FBXO45: variants seen among roughly 807,000 people sequenced by gnomAD.
The protein encoded by FBXO45 is F-box protein 45, also known as F-box/SPRY domain-containing protein 1.
FBXO45 carries 3 observed loss-of-function variants against 25.5 expected under a neutral mutation model. That is an observed-to-expected ratio of 0.12 (90% CI 0.05 to 0.30). FBXO45 has a LOEUF of 0.30. FBXO45 is among the 10% of genes least tolerant of loss of function. FBXO45 has a pLI of 1.00. For missense variants in FBXO45, 219 were observed against 365.0 expected (o/e 0.60, Z 3.26); for synonymous variants, 155 against 149.8 (o/e 1.03, Z -0.25).
rs1485115413 is a variant in FBXO45, at chr3:196,587,003, T to A, written c.*2685T>A. 2 of 152,226 alleles carry A rather than the reference T, an allele frequency of 1.3e-5. No individual in the cohort carries two copies. Among genetic ancestry groups the A allele is most frequent in the Non-Finnish European group, 2.9e-5 (2 of 68,048 alleles). 9.4% of individuals were successfully genotyped at this position (152,226 alleles called of 1,614,324 possible). A position where few individuals can be genotyped will look rare whatever the true frequency, so the allele number is the denominator to read the frequency against. The stretch of plus-strand genomic sequence containing the variant: ...TGCTTGTGCCGTGGATGAAAAGTGC[T>A]ATTAAAAGTCAAAGGAGTGTTCTGT... On this transcript the variant is annotated 3_prime_UTR_variant, in exon 3 of 3. Transcript: ENST00000311630.
At chr3:196,575,316 T>C (rs1577596223) in intron 1 of FBXO45, among the ~76,000 whole-genome samples, 1 of 151,890 alleles carries the variant, frequency 6.6e-6, no homozygotes, top group African/African-American at 2.4e-5. Flanking sequence ...ATTAGCCGGG[T>C]GTGGTGGTGC....
chr3:196,572,256 AAC>A (rs1392892776), intron 1 of FBXO45, among the ~76,000 whole-genome samples: 5 of 152,256 alleles, frequency 3.3e-5, no homozygotes, highest in Admixed American at 6.5e-5. Flanking sequence ...AAATAAAACA[AAC>A]ACAGTCTCTT....
At position 196,585,602 on chromosome 3, in the gene FBXO45, T is replaced by G. The variant is rs1736091515; in HGVS notation, c.*1284T>G. 6.6e-6 allele frequency: 1 copy of G among 152,244 alleles called. No individual in the cohort carries two copies. The allele number at this position is 152,244 out of a possible 1,614,324, so 9.4% of individuals were successfully genotyped here. ...GGTTGGCAATATTTGAAGGTTTCGT[T>G]GTAGAAGAGTTTAACATTAACTCCT... On this transcript the variant is annotated 3_prime_UTR_variant, in exon 3 of 3. Transcript: ENST00000311630.
chr3:196,574,208 T>G (rs991485893), intron 1 of FBXO45, among the ~76,000 whole-genome samples: 2 of 152,114 alleles, frequency 1.3e-5, no homozygotes, highest in Non-Finnish European at 2.9e-5. Context: ...GCTGGGATTA[T>G]AGGTGTGAGC....
chr3:196,580,547 A>C (rs1338808368), intron 2 of FBXO45, among the ~76,000 whole-genome samples: 2 of 151,634 alleles, frequency 1.3e-5, no homozygotes, highest in African/African-American at 4.8e-5. Flanking sequence ...CTGGTCTCGA[A>C]CTCCCAACCT....
rs1324642350 is a variant in FBXO45, at chr3:196,587,725, T to A, written c.*3407T>A. 3 of 152,032 alleles carry A rather than the reference T, an allele frequency of 2.0e-5. No homozygotes were observed. The highest frequency in any genetic ancestry group is 4.4e-5 in the Non-Finnish European group (3 of 68,022). 9.4% of individuals were successfully genotyped at this position (152,032 alleles called of 1,614,324 possible). On this transcript the variant is annotated 3_prime_UTR_variant, in exon 3 of 3. Transcript: ENST00000311630. Reference sequence around the variant, plus strand: ...CCCCAAACTATGTAGATTGTCATATTAATATTAATTTTTTTTTGTTATTTT... The same window carrying A: ...CCCCAAACTATGTAGATTGTCATATAAATATTAATTTTTTTTTGTTATTTT...
rs1183306469 is a variant in FBXO45, at chr3:196,584,350, G to T, written c.*32G>T. 2 of 1,568,440 alleles carry T rather than the reference G, an allele frequency of 1.3e-6. No homozygotes were observed. The highest frequency in any genetic ancestry group is 4.0e-5 in the Admixed American group (2 of 50,066). ...CTTTCTTGTGATGACAGACAGAATG[G>T]AGGAGAGATCTGCTTATGGGAAGTA... On this transcript the variant is annotated 3_prime_UTR_variant, in exon 3 of 3. Transcript: ENST00000311630. This position sits in a 1 kb window ranked among gnomAD's most constrained non-coding sequence, Gnocchi z 4.3.
chr3:196,575,655 CTTCTT>C (rs1401212865), intron 1 of FBXO45, among the ~76,000 whole-genome samples: 2 of 150,498 alleles, frequency 1.3e-5, no homozygotes, highest in African/African-American at 2.4e-5. Flanking sequence ...CCCATTTAAT[CTTCTT>C]TTCCTTTCTT....
At chr3:196,575,843 A>AT (rs1735903983) in intron 1 of FBXO45, among the ~76,000 whole-genome samples, 1 of 151,698 alleles carries the variant, frequency 6.6e-6, no homozygotes, top group African/African-American at 2.4e-5. Context: ...CGCCCAGCTA[A>AT]TTTTTTGTAT....
rs1053464107 is a variant in FBXO45 at position 196,588,182 on chromosome 3, A to T, written c.*3864A>T. The T allele has an allele frequency of 6.6e-6, 1 of 151,930 alleles. No individual in the cohort carries two copies. Among genetic ancestry groups the T allele is most frequent in the East Asian group, 1.9e-4 (1 of 5,164 alleles). The allele number at this position is 151,930 out of a possible 1,614,324, so 9.4% of individuals were successfully genotyped here. On this transcript the variant is annotated 3_prime_UTR_variant, in exon 3 of 3. Coordinates refer to ENST00000311630, the MANE Select transcript of FBXO45 (RefSeq NM_001105573.2). This position sits in a 1 kb window ranked among gnomAD's most constrained non-coding sequence, Gnocchi z 4.2. ...CCTGACCTTGTGATCCACCCACCTC[A>T]GCCTCCCAAAGTGCTGGGATTACAG...
rs746512053 is a variant in FBXO45, at chr3:196,577,797, A to C, written c.663A>C (p.Ala221=). 6.3e-7 allele frequency: 1 copy of C among 1,575,730 alleles called. No homozygotes were observed. Among genetic ancestry groups the C allele is most frequent in the Non-Finnish European group, 8.7e-7 (1 of 1,151,094 alleles). ...VNGSFPQCNN[A]PKYQIGERIR... is the part of the protein sequence containing the mutation. ...GCAGTTTTCCACAGTGCAACAACGC[A>C]CCAAAATATCAGGTGAGAAACTGGG... The change falls in exon 2 of 3, where the codon GCA becomes GCC. Residue 221 remains alanine, a synonymous_variant. Transcript: ENST00000311630.
At chr3:196,578,043 A>ATTATTTTTT (rs1196867210) in intron 2 of FBXO45, among the ~76,000 whole-genome samples, 1 of 25,196 alleles carries the variant, frequency 4.0e-5, no homozygotes. Flanking sequence ...GCAGAAAAAT[A>ATTATTTTTT]TTCTTTTTTT....
Position 196,584,127 on chromosome 3 carries a change from T to C in FBXO45, c.676-6T>C. 1.2e-6 allele frequency: 2 copies of C among 1,613,062 alleles called. No individual in the cohort carries two copies. The highest frequency in any genetic ancestry group is 1.7e-6 in the Non-Finnish European group (2 of 1,179,584). Reference sequence around the variant, plus strand: ...TTTCTTCTAACCTTTTGATATCTGTTTGCAGATAGGAGAAAGAATTCGAGT... The same window carrying C: ...TTTCTTCTAACCTTTTGATATCTGTCTGCAGATAGGAGAAAGAATTCGAGT... On this transcript the variant is annotated splice_region_variant and splice_polypyrimidine_tract_variant and intron_variant, in intron 2 of 2. Transcript: ENST00000311630. The surrounding 1 kb of genome is among the most constrained non-coding windows in gnomAD (Gnocchi z 4.3).
intron 2 of FBXO45, 142 bp downstream of exon 2, chr3:196,577,951 C>A: frequency 2.2e-6 from 1 of 456,734 alleles, no homozygotes. Context: ...TTCAGATACC[C>A]AGACTTCAAG....
chr3:196,573,731 G>GTT (rs112495140), intron 1 of FBXO45, among the ~76,000 whole-genome samples: 17 of 92,388 alleles, frequency 1.8e-4, no homozygotes, highest in African/African-American at 4.7e-4. Flanking sequence ...CTGTTCAGTT[G>GTT]TTTTTTTTTT....
In FBXO45 at chr3:196,587,268, A is replaced by G. The variant is rs1736153914; in HGVS notation, c.*2950A>G. On this transcript the variant is annotated 3_prime_UTR_variant, in exon 3 of 3. Transcript: ENST00000311630. ...AATGATCAATGGCTCATAATTCATT[A>G]AATCTTTTCATACAAGGAATTTGTG... 2.0e-5 allele frequency: 3 copies of G among 152,264 alleles called. No homozygotes were observed. The highest frequency in any genetic ancestry group is 2.0e-4 in the Admixed American group (3 of 15,282). The allele number at this position is 152,264 out of a possible 1,614,324, so 9.4% of individuals were successfully genotyped here. A position where few individuals can be genotyped will look rare whatever the true frequency, so the allele number is the denominator to read the frequency against.
Position 196,586,826 on chromosome 3 carries a change from G to A in FBXO45, c.*2508G>A, listed in dbSNP as rs1736118644. On this transcript the variant is annotated 3_prime_UTR_variant, in exon 3 of 3. Transcript: ENST00000311630. ...TCATAAGGATTTTTAAAAACTTTCT[G>A]GTCATTTCAATATGCTGCCAAGGTT... is the stretch of plus-strand genomic sequence containing the variant. 6.6e-6 allele frequency: 1 copy of A among 151,938 alleles called. No homozygotes were observed. Among genetic ancestry groups the A allele is most frequent in the African/African-American group, 2.4e-5 (1 of 41,330 alleles). The allele number at this position is 151,938 out of a possible 1,614,324, so 9.4% of individuals were successfully genotyped here.
At position 196,582,758 on chromosome 3, in the gene FBXO45, G is replaced by A. The variant is rs565767091; in HGVS notation, c.676-1375G>A. On this transcript the variant is annotated intron_variant, in intron 2 of 2. Transcript: ENST00000311630. ...TTGTGAACCACAAATTGTTTAATAA[G>A]CCTATTCTATATTCTACATTAGAAT... Among the ~76,000 whole-genome samples the A allele has an allele frequency of 5.9e-5, 9 of 151,944 alleles. No individual in the cohort carries two copies. In the South Asian group the frequency reaches 1.9e-3, roughly 32 times the overall value.
At position 196,568,842 on chromosome 3, in the gene FBXO45, G is replaced by A; in HGVS notation, c.-143G>A. The A allele has an allele frequency of 2.0e-6, 1 of 503,520 alleles. No individual in the cohort carries two copies. The highest frequency in any genetic ancestry group is 2.1e-5 in the African/African-American group (1 of 48,318). 31.2% of individuals were successfully genotyped at this position (503,520 alleles called of 1,614,324 possible). A position where few individuals can be genotyped will look rare whatever the true frequency, so the allele number is the denominator to read the frequency against. On this transcript the variant is annotated 5_prime_UTR_variant, in exon 1 of 3. Coordinates refer to ENST00000311630, the MANE Select transcript of FBXO45 (RefSeq NM_001105573.2). ...GCGGCGGACGCCCCCGGGCAGGGGC[G>A]GGAGTGGTGGAGGCGCCGGCGGTTG...
Sources: allele counts gnomAD v4.1 joint callset (sites outside exome capture counted in the v4.1 genomes callset), GRCh38; gene constraint gnomAD v4.1.1; non-coding constraint Gnocchi (gnomAD v3.1); transcripts MANE v1.5; gene names NCBI Gene and HGNC (gene_info 2026-07-23, HGNC 2026-07-21).